The following COMMD1 variants were observed in gnomAD, a reference collection of about 807,000 sequenced individuals.
COMMD1 encodes copper metabolism domain containing 1.
COMMD1 carries 10 observed loss-of-function variants against 17.2 expected under a neutral mutation model. The ratio of observed to expected loss-of-function variants is 0.58; its 90% CI spans 0.36 to 0.99. The LOEUF is 0.99. Ranked by LOEUF, COMMD1 falls within the 50% of genes least tolerant of loss-of-function variation. The pLI, the probability that COMMD1 is intolerant of heterozygous loss-of-function variation, is 0.01. For synonymous variants in COMMD1, 97 were observed against 91.6 expected (o/e 1.06, Z -0.34); for missense variants, 270 against 231.8 (o/e 1.17, Z -1.07).
At chr2:61,954,954 C>A (rs576238352) in intron 1 of COMMD1, among the ~76,000 whole-genome samples, 6 of 152,230 alleles carry the variant, frequency 3.9e-5, no homozygotes, top group African/African-American at 1.2e-4. Context: ...GGATTACAGG[C>A]GTGAGCCACC....
intron 1 of COMMD1, among the ~76,000 whole-genome samples, chr2:61,934,227 C>T (rs1670544562): frequency 6.6e-6 from 1 of 151,990 alleles, no homozygotes; most frequent in Non-Finnish European, 1.5e-5. Flanking sequence ...TTATTAGTAT[C>T]TCTTGAGTGG....
At chr2:62,098,877 A>G (rs1414512896) in intron 2 of COMMD1, among the ~76,000 whole-genome samples, 1 of 152,212 alleles carries the variant, frequency 6.6e-6, no homozygotes, top group Non-Finnish European at 1.5e-5. Context: ...GACACATGTC[A>G]GAGAACCCTG....
intron 2 of COMMD1, among the ~76,000 whole-genome samples, chr2:62,017,512 T>TA (rs200309029): frequency 0.04 from 6,042 of 150,378 alleles, 300 homozygotes; most frequent in African/African-American, 0.12. Flanking sequence ...TACAAAAAAT[T>TA]AAAAAAAATT....
At chr2:62,122,612 C>A (rs1364337605) in intron 2 of COMMD1, among the ~76,000 whole-genome samples, 3 of 152,172 alleles carry the variant, frequency 2.0e-5, no homozygotes, top group African/African-American at 7.2e-5. Flanking sequence ...ATTCATCCAA[C>A]CAAAGAACCA....
chr2:62,041,959 G>A (rs547603275), intron 2 of COMMD1, among the ~76,000 whole-genome samples: 1 of 152,350 alleles, frequency 6.6e-6, no homozygotes, highest in Non-Finnish European at 1.5e-5. Context: ...CTGTGGAAGA[G>A]GACCTCAGCG....
At chr2:62,135,092 A>G (rs1673155465) in intron 2 of COMMD1, among the ~76,000 whole-genome samples, 1 of 152,190 alleles carries the variant, frequency 6.6e-6, no homozygotes, top group Non-Finnish European at 1.5e-5. Flanking sequence ...TGGAGACAGT[A>G]TGGACTTCGG....
At chr2:61,983,415 T>G (rs924969118) in intron 1 of COMMD1, among the ~76,000 whole-genome samples, 2 of 152,120 alleles carry the variant, frequency 1.3e-5, no homozygotes, top group Non-Finnish European at 2.9e-5. Flanking sequence ...GGTGTCAATC[T>G]CCTTGACCTC....
chr2:61,923,153 A>G (rs1670239647), intron 1 of COMMD1, among the ~76,000 whole-genome samples: 1 of 152,170 alleles, frequency 6.6e-6, no homozygotes, highest in Non-Finnish European at 1.5e-5. Flanking sequence ...AGAAACTGCT[A>G]CTTTTTATGG....
chr2:61,917,887 A>G (rs1464551476), intron 1 of COMMD1, among the ~76,000 whole-genome samples: 1 of 152,264 alleles, frequency 6.6e-6, no homozygotes, highest in Non-Finnish European at 1.5e-5. Flanking sequence ...AGTATAAAAT[A>G]ATGGATGTAG....
At chr2:61,941,568 T>A (rs1444868536) in intron 1 of COMMD1, among the ~76,000 whole-genome samples, 3 of 152,220 alleles carry the variant, frequency 2.0e-5, no homozygotes, top group Non-Finnish European at 2.9e-5. Flanking sequence ...TGCGGTGCTC[T>A]ACTTGGTATT....
At chr2:61,910,106 C>T (rs564994092) in intron 1 of COMMD1, among the ~76,000 whole-genome samples, 1 of 152,214 alleles carries the variant, frequency 6.6e-6, no homozygotes, top group Admixed American at 6.5e-5. Flanking sequence ...CATTCACTTG[C>T]TCTAGTTTTT....
intron 2 of COMMD1, among the ~76,000 whole-genome samples, chr2:62,109,245 G>A (rs1672391983): frequency 6.6e-6 from 1 of 152,312 alleles, no homozygotes; most frequent in Non-Finnish European, 1.5e-5. Flanking sequence ...CTGGCTTGGT[G>A]AGGTTGAGGG....
At chr2:61,935,610 C>T (rs1002849758) in intron 1 of COMMD1, among the ~76,000 whole-genome samples, 5 of 151,018 alleles carry the variant, frequency 3.3e-5, no homozygotes, top group South Asian at 2.1e-4. Flanking sequence ...TCAGCCTGGG[C>T]GACAGAGCAA....
chr2:61,967,268 C>G (rs933685034), intron 1 of COMMD1, among the ~76,000 whole-genome samples: 2 of 152,084 alleles, frequency 1.3e-5, no homozygotes, highest in African/African-American at 2.4e-5. Flanking sequence ...AAAAAATGTT[C>G]AATTCCTCAC....
At chr2:62,126,040 A>G (rs893870670) in intron 2 of COMMD1, among the ~76,000 whole-genome samples, 1 of 152,086 alleles carries the variant, frequency 6.6e-6, no homozygotes, top group East Asian at 1.9e-4. Flanking sequence ...CTGTTCCTGC[A>G]TTAGTTTGCT....
At chr2:61,907,716 A>G (rs909766876) in intron 1 of COMMD1, among the ~76,000 whole-genome samples, 8 of 151,282 alleles carry the variant, frequency 5.3e-5, no homozygotes, top group African/African-American at 1.7e-4. Context: ...TTGAGATGGA[A>G]TTTTGCTTTT....
At chr2:62,038,393 C>T (rs1670098765) in intron 2 of COMMD1, among the ~76,000 whole-genome samples, 2 of 152,070 alleles carry the variant, frequency 1.3e-5, no homozygotes, top group African/African-American at 2.4e-5. Flanking sequence ...AGCAATACTC[C>T]AATAACTGAG....
rs141701719 is a variant in COMMD1, at chr2:62,119,468, C to A, written c.463-16363C>A. 1.7e-3 allele frequency among the ~76,000 whole-genome samples: 265 copies of A among 152,260 alleles called. 5 individuals carry two copies. The East Asian group carries it at 0.043, about 24-fold the overall frequency. ...AATCCTCACAACCCATACAACTCCA[C>A]CCCAGCCAAAAAAACAAAATCCAAA... On this transcript the variant is annotated intron_variant, in intron 2 of 2. Coordinates refer to ENST00000311832, the MANE Select transcript of COMMD1 (RefSeq NM_152516.4).
intron 2 of COMMD1, among the ~76,000 whole-genome samples, chr2:62,087,174 T>TA (rs1264774351): frequency 1.3e-5 from 2 of 152,204 alleles, no homozygotes; most frequent in Non-Finnish European, 2.9e-5. Context: ...AATGTGTTTT[T>TA]AAAGCTTCAA....
Sources: gnomAD v4.1 joint callset for allele counts (sites outside exome capture counted in the v4.1 genomes callset) on GRCh38, gnomAD v4.1.1 for gene constraint, MANE v1.5 for transcripts, NCBI Gene and HGNC (gene_info 2026-07-23, HGNC 2026-07-21) for gene names.